Variants in TPO observed in about 807,000 individuals in gnomAD.
The protein encoded by TPO is thyroid peroxidase.
TPO carries 78 observed loss-of-function variants against 96.9 expected under a neutral mutation model. That is an observed-to-expected ratio of 0.81 (90% CI 0.67 to 0.97). The LOEUF (loss-of-function observed/expected upper bound fraction) is 0.97, where lower values mean the gene tolerates loss of function less well. TPO is among the 50% of genes least tolerant of loss of function. The pLI, the probability that TPO is intolerant of heterozygous loss-of-function variation, is 0.00. For synonymous variants in TPO, 547 were observed against 538.0 expected (o/e 1.02, Z -0.23); for missense variants, 1,252 against 1,274.8 (o/e 0.98, Z 0.27).
At chr2:1,410,120 T>A (rs552691233), upstream of TPO, among the ~76,000 whole-genome samples, 2 of 152,294 alleles carry the variant, frequency 1.3e-5, no homozygotes, top group Admixed American at 1.3e-4. Flanking sequence ...AGAATAGATA[T>A]TAAATGTTCC....
chr2:1,465,435 G>A (rs1403116223), intron 7 of TPO, among the ~76,000 whole-genome samples: 1 of 152,142 alleles, frequency 6.6e-6, no homozygotes, highest in Non-Finnish European at 1.5e-5. Flanking sequence ...ATTTGATGAA[G>A]AATGATGGTG....
chr2:1,529,893 C>G (rs1431417635), intron 15 of TPO, among the ~76,000 whole-genome samples: 1 of 38,264 alleles, frequency 2.6e-5, no homozygotes, highest in African/African-American at 9.6e-5. Flanking sequence ...CCTCAAATCC[C>G]TCCCACTCTG....
chr2:1,504,649 G>A (rs150827416), intron 14 of TPO, among the ~76,000 whole-genome samples: 22 of 152,312 alleles, frequency 1.4e-4, no homozygotes, highest in African/African-American at 5.3e-4. Context: ...CCAGGTGCCA[G>A]CTACGCCCAA....
chr2:1,495,168 C>T (rs1211231816), intron 11 of TPO, among the ~76,000 whole-genome samples: 1 of 152,194 alleles, frequency 6.6e-6, no homozygotes, highest in Non-Finnish European at 1.5e-5. Context: ...ATTTCTCATC[C>T]TATGTATTTA....
chr2:1,379,923 A>T (rs1183311807), intron 1 of TPO, among the ~76,000 whole-genome samples: 2 of 152,176 alleles, frequency 1.3e-5, no homozygotes, highest in Non-Finnish European at 2.9e-5. Flanking sequence ...CCAAGTACTG[A>T]GAGTCGAGAG....
chr2:1,435,769 T>G (rs2148499348), intron 4 of TPO, among the ~76,000 whole-genome samples: 1 of 152,298 alleles, frequency 6.6e-6, no homozygotes, highest in Non-Finnish European at 1.5e-5. Flanking sequence ...AACGAAAGGT[T>G]TTATAGATAA....
intron 13 of TPO, among the ~76,000 whole-genome samples, chr2:1,497,307 C>T (rs1422654478): frequency 1.3e-5 from 2 of 152,222 alleles, no homozygotes; most frequent in Non-Finnish European, 1.5e-5. Context: ...GCAAGACAGC[C>T]GTGGGCCACT....
At position 1,455,478 on chromosome 2, in the gene TPO, T is replaced by A. The variant is rs979472624; in HGVS notation, c.613-598T>A. Among the ~76,000 whole-genome samples the A allele has an allele frequency of 4.6e-5, 7 of 152,254 alleles. No homozygotes were observed. The East Asian group carries it at 1.4e-3, about 29-fold the overall frequency. ...CAGGTAGGGCAGGCTCAGGGTAAGA[T>A]CCATCCAGGACAAAATTCCTCTCCA... On this transcript the variant is annotated intron_variant, in intron 6 of 16. Transcript: ENST00000329066.
chr2:1,486,056 C>A (rs1239508682), intron 9 of TPO, among the ~76,000 whole-genome samples: 1 of 152,242 alleles, frequency 6.6e-6, no homozygotes, highest in Non-Finnish European at 1.5e-5. Context: ...AGTCTTTAAT[C>A]CATCTTGAAT....
chr2:1,515,289 G>T (rs1466274839), intron 14 of TPO, among the ~76,000 whole-genome samples: 1 of 152,204 alleles, frequency 6.6e-6, no homozygotes, highest in Non-Finnish European at 1.5e-5. Flanking sequence ...GATGCAGGAG[G>T]AGCGGCATCC....
At chr2:1,389,223 G>T (rs115451004) in intron 1 of TPO, among the ~76,000 whole-genome samples, 8,430 of 152,226 alleles carry the variant, frequency 0.055, 351 homozygotes, top group Non-Finnish European at 0.084. Context: ...GGTGCTGAGG[G>T]CGTCTCAGAG....
intron 13 of TPO, 112 bp downstream of exon 13, chr2:1,496,877 T>C (rs1672409084): frequency 4.6e-6 from 7 of 1,508,490 alleles, no homozygotes; most frequent in Non-Finnish European, 6.4e-6. Flanking sequence ...GAAACTGTTA[T>C]CTTCCCAGGA....
At chr2:1,391,798 A>G (rs1662004410) in intron 1 of TPO, among the ~76,000 whole-genome samples, 1 of 152,202 alleles carries the variant, frequency 6.6e-6, no homozygotes, top group Admixed American at 6.5e-5. Flanking sequence ...GAGTTCACTC[A>G]TGATTTGGCT....
intron 8 of TPO, 123 bp from the exon 9 acceptor site, chr2:1,484,473 T>TACAAG: frequency 7.8e-7 from 1 of 1,280,332 alleles, no homozygotes; most frequent in Non-Finnish European, 1.1e-6. Context: ...AGGCCCTTAT[T>TACAAG]ACAAGACGAG....
chr2:1,420,199 G>A (rs1039517149), intron 2 of TPO, among the ~76,000 whole-genome samples: 3 of 152,204 alleles, frequency 2.0e-5, no homozygotes, highest in Non-Finnish European at 4.4e-5. Context: ...CATATGATCA[G>A]TTAAACTTGA....
chr2:1,524,645 G>A (rs1395807807), intron 15 of TPO, among the ~76,000 whole-genome samples: 1 of 97,148 alleles, frequency 1.0e-5, no homozygotes, highest in Admixed American at 1.3e-4. Context: ...CCTACTGCCT[G>A]CAACCTCCTC....
chr2:1,541,241 G>A, intron 16 of TPO: 1 of 1,089,702 alleles, frequency 9.2e-7, no homozygotes, highest in Non-Finnish European at 1.1e-6. Flanking sequence ...AGGGGAGTGG[G>A]GAGGTGCTGG....
intron 3 of TPO, among the ~76,000 whole-genome samples, chr2:1,428,376 T>C (rs1273843590): frequency 6.6e-6 from 1 of 152,158 alleles, no homozygotes; most frequent in Non-Finnish European, 1.5e-5. Flanking sequence ...CTGCAGAACA[T>C]GGACATGACG....
intron 16 of TPO, chr2:1,541,414 G>A (rs1332579162): frequency 1.8e-5 from 3 of 169,430 alleles, no homozygotes; most frequent in Non-Finnish European, 3.8e-5. Flanking sequence ...CTGGAGTGCA[G>A]TGGCACAAAC....
Sources: gnomAD v4.1 joint callset for allele counts (sites outside exome capture counted in the v4.1 genomes callset) on GRCh38, gnomAD v4.1.1 for gene constraint, MANE v1.5 for transcripts, NCBI Gene and HGNC (gene_info 2026-07-23, HGNC 2026-07-21) for gene names.